The following CCDC93 variants were observed in gnomAD, a reference collection of about 807,000 sequenced individuals.
CCDC93 encodes coiled-coil domain-containing protein 93.
In CCDC93, 61 loss-of-function variants were observed where a neutral mutation model predicts 108.2. That is an observed-to-expected ratio of 0.56 (90% CI 0.46 to 0.70). The LOEUF is 0.70. Among genes scored for constraint, CCDC93 ranks in the 30% least tolerant of loss-of-function variants. The pLI is 0.00. For missense variants in CCDC93, 685 were observed against 764.2 expected, an observed-to-expected ratio of 0.90 and a Z score of 1.22; for synonymous variants, 276 against 260.4, an observed-to-expected ratio of 1.06 and a Z score of -0.58.
At chr2:118,003,552 T>G (rs181595703) in intron 3 of CCDC93, among the ~76,000 whole-genome samples, 150 of 152,248 alleles carry the variant, frequency 9.9e-4, no homozygotes, top group Non-Finnish European at 1.7e-3. Context: ...TTGGTTTGCA[T>G]AGAGTTACCA....
intron 3 of CCDC93, among the ~76,000 whole-genome samples, chr2:118,003,780 G>T (rs893290813): frequency 2.0e-5 from 3 of 152,088 alleles, no homozygotes; most frequent in Admixed American, 6.6e-5. Flanking sequence ...TGCCAAGTCT[G>T]GACAGTCTTG....
At chr2:118,005,036 T>G (rs922179812) in intron 3 of CCDC93, among the ~76,000 whole-genome samples, 1 of 152,200 alleles carries the variant, frequency 6.6e-6, no homozygotes, top group Non-Finnish European at 1.5e-5. Flanking sequence ...AGCTATAAAT[T>G]CAGTCAATTC....
chr2:117,920,454 G>A (rs1208159604), intron 23 of CCDC93, 58 bp from the exon 24 acceptor site: 22 of 1,228,878 alleles, frequency 1.8e-5, no homozygotes, highest in Non-Finnish European at 2.5e-5. Flanking sequence ...CCCATGTGAG[G>A]CCAAGATGGT....
At chr2:117,927,035 T>C (rs1351909277) in intron 23 of CCDC93, among the ~76,000 whole-genome samples, 3 of 152,092 alleles carry the variant, frequency 2.0e-5, no homozygotes, top group Non-Finnish European at 4.4e-5. Flanking sequence ...ATTATCTCAA[T>C]AGATGCAGAA....
At chr2:117,960,258 G>C (rs1285632899) in intron 11 of CCDC93, among the ~76,000 whole-genome samples, 1 of 152,160 alleles carries the variant, frequency 6.6e-6, no homozygotes, top group Admixed American at 6.5e-5. Context: ...TTCCCATACA[G>C]TATGTCTCTA....
intron 1 of CCDC93, among the ~76,000 whole-genome samples, chr2:118,013,722 G>C (rs919151761): frequency 6.6e-6 from 1 of 151,902 alleles, no homozygotes; most frequent in Admixed American, 6.5e-5. Flanking sequence ...TGCGCCCCAA[G>C]AGACCCGGGA....
chr2:117,941,435 G>T, intron 18 of CCDC93, 138 bp from the exon 19 acceptor site: 1 of 640,444 alleles, frequency 1.6e-6, no homozygotes. Context: ...TCCTGCCATG[G>T]GCTTAAAGGT....
At chr2:117,949,523 A>G (rs1358201452) in intron 13 of CCDC93, 128 bp from the exon 14 acceptor site, 1 of 713,024 alleles carries the variant, frequency 1.4e-6, no homozygotes, top group Admixed American at 2.8e-5. Flanking sequence ...TTTAATGTGT[A>G]AAGTAGGTAA....
chr2:117,988,875 T>C (rs1176277412), intron 6 of CCDC93, among the ~76,000 whole-genome samples: 1 of 152,224 alleles, frequency 6.6e-6, no homozygotes, highest in Non-Finnish European at 1.5e-5. Flanking sequence ...AGCTCTGCTA[T>C]GTAAGTATAC....
At position 117,967,910 on chromosome 2, in the gene CCDC93, C is replaced by G. The variant is rs193069972; in HGVS notation, c.888+5998G>C. Among the ~76,000 whole-genome samples the G allele has an allele frequency of 4.3e-3, 658 of 151,974 alleles. 9 individuals carry two copies. Among genetic ancestry groups the G allele is most frequent in the African/African-American group, 0.015 (629 of 41,424 alleles). On this transcript the variant is annotated intron_variant, in intron 11 of 23. Transcript: ENST00000376300. Reference sequence around the variant, plus strand: ...ATTATAAGCAGGAAGGCAGCCTATACGAATTAAATGAGATAATTTTTTAGA... The same window carrying G: ...ATTATAAGCAGGAAGGCAGCCTATAGGAATTAAATGAGATAATTTTTTAGA...
At chr2:117,931,790 AT>A (rs1410792900) in intron 22 of CCDC93, 1 of 152,228 alleles carries the variant, frequency 6.6e-6, no homozygotes, top group Non-Finnish European at 1.5e-5. Flanking sequence ...AATTTAGGAT[AT>A]TTTCAGGATT....
chr2:117,951,541 CTGGGT>C (rs927759228), intron 13 of CCDC93: 1 of 998,128 alleles, frequency 1.0e-6, no homozygotes, highest in Admixed American at 6.1e-5. Context: ...AGTAGGGATA[CTGGGT>C]TGGTTTCGGA....
At position 118,000,905 on chromosome 2, in the gene CCDC93, G is replaced by A; in HGVS notation, c.279C>T (p.Val93=). ...KIALSEKIVS[V]LPRMKCPHQL... ...GGTGTGGGCATTTCATCCTTGGCAG[G>A]ACCGAGACAATTTTTTCTGACAGAG... Residue 93 remains valine, a synonymous_variant, in exon 4 of 24, where the codon GTC becomes GTT. Coordinates refer to ENST00000376300, the MANE Select transcript of CCDC93 (RefSeq NM_019044.5). 1 of 1,613,474 alleles carries A rather than the reference G, an allele frequency of 6.2e-7. No homozygotes were observed. Among genetic ancestry groups the A allele is most frequent in the South Asian group, 1.1e-5 (1 of 91,054 alleles).
intron 6 of CCDC93, among the ~76,000 whole-genome samples, chr2:117,988,835 C>A (rs1320631402): frequency 6.6e-6 from 1 of 152,222 alleles, no homozygotes; most frequent in African/African-American, 2.4e-5. Context: ...TGACACCCCT[C>A]ACCCCTGTTC....
chr2:117,976,744 G>A (rs1476404068), intron 8 of CCDC93, among the ~76,000 whole-genome samples: 1 of 152,108 alleles, frequency 6.6e-6, no homozygotes, highest in Non-Finnish European at 1.5e-5. Flanking sequence ...CAGCTAGTCT[G>A]GCTTTAGAAC....
At chr2:117,959,008 A>C (rs944255876) in intron 11 of CCDC93, among the ~76,000 whole-genome samples, 1 of 152,208 alleles carries the variant, frequency 6.6e-6, no homozygotes, top group Non-Finnish European at 1.5e-5. Flanking sequence ...CAGGGGATTG[A>C]TTGGAAAGGG....
intron 2 of CCDC93, among the ~76,000 whole-genome samples, chr2:118,008,265 C>T (rs1281999364): frequency 1.3e-5 from 2 of 152,218 alleles, no homozygotes; most frequent in South Asian, 2.1e-4. Context: ...TTATAATCCC[C>T]ACCCAAACTG....
chr2:117,924,438 C>T (rs915634043), intron 23 of CCDC93, among the ~76,000 whole-genome samples: 1 of 152,088 alleles, frequency 6.6e-6, no homozygotes, highest in African/African-American at 2.4e-5. Context: ...CCTTAAAGGA[C>T]GTGATGGAGC....
chr2:117,973,686 A>C (rs540891910), intron 11 of CCDC93, among the ~76,000 whole-genome samples: 1 of 152,186 alleles, frequency 6.6e-6, no homozygotes, highest in Admixed American at 6.5e-5. Flanking sequence ...TTTTCTCTTT[A>C]TATTTACAGA....
Sources: allele counts gnomAD v4.1 joint callset (sites outside exome capture counted in the v4.1 genomes callset), GRCh38; gene constraint gnomAD v4.1.1; transcripts MANE v1.5; gene names NCBI Gene and HGNC (gene_info 2026-07-23, HGNC 2026-07-21).